ERAP1: variants seen among roughly 807,000 people sequenced by gnomAD.
The protein encoded by ERAP1 is adipocyte-derived leucine aminopeptidase.
A neutral mutation model predicts 103.7 loss-of-function variants in ERAP1; 86 were observed. The ratio of observed to expected loss-of-function variants is 0.83; its 90% CI spans 0.70 to 0.99. The LOEUF (loss-of-function observed/expected upper bound fraction) is 0.99, where lower values mean the gene tolerates loss of function less well. Ranked by LOEUF, ERAP1 falls within the 50% of genes least tolerant of loss-of-function variation. The pLI, the probability that ERAP1 is intolerant of heterozygous loss-of-function variation, is 0.00. For synonymous variants in ERAP1, 398 were observed against 402.4 expected, an observed-to-expected ratio of 0.99 and a Z score of 0.13; for missense variants, 1,009 against 1,128.4, an observed-to-expected ratio of 0.89 and a Z score of 1.52.
the ERAP1 span, among the ~76,000 whole-genome samples, chr5:96,887,718 A>G: frequency 2.7e-3 from 417 of 152,380 alleles, 2 homozygotes; most frequent in African/African-American, 9.4e-3. Flanking sequence ...TTGTAGTTAA[A>G]TATTTGCAAA....
chr5:96,911,543 A>C, the ERAP1 span, among the ~76,000 whole-genome samples: 1 of 151,818 alleles, frequency 6.6e-6, no homozygotes, highest in Non-Finnish European at 1.5e-5. Context: ...CCAAATTAAG[A>C]CTCTCTAGGC....
the ERAP1 span, among the ~76,000 whole-genome samples, chr5:96,862,235 T>A: frequency 1.3e-5 from 2 of 152,192 alleles, no homozygotes; most frequent in Non-Finnish European, 2.9e-5. Context: ...CAAACAATCC[T>A]GCCTCAGCCT....
At chr5:96,778,630 T>G (rs1375715823) in intron 18 of ERAP1, among the ~76,000 whole-genome samples, 1 of 152,196 alleles carries the variant, frequency 6.6e-6, no homozygotes, top group African/African-American at 2.4e-5. Flanking sequence ...TGGAATTTAC[T>G]GCAAGAACAA....
chr5:96,773,689 T>C (rs1178664394), downstream of ERAP1: 1 of 152,276 alleles, frequency 6.6e-6, no homozygotes, highest in Non-Finnish European at 1.5e-5. Context: ...TGAATGGTTT[T>C]CTAATATCTT....
At chr5:96,871,275 G>C in the ERAP1 span, among the ~76,000 whole-genome samples, 1 of 152,136 alleles carries the variant, frequency 6.6e-6, no homozygotes, top group Non-Finnish European at 1.5e-5. Context: ...TTGCCTATTT[G>C]TTTCCTTCTC....
the ERAP1 span, among the ~76,000 whole-genome samples, chr5:96,874,769 T>C: frequency 6.6e-6 from 1 of 152,262 alleles, no homozygotes; most frequent in Non-Finnish European, 1.5e-5. Context: ...TAGGATCTAA[T>C]CATGGCAACA....
At chr5:96,773,830 T>C (rs138697397), downstream of ERAP1, 7 of 152,460 alleles carry the variant, frequency 4.6e-5, no homozygotes, top group East Asian at 1.3e-3. Context: ...TGGGAATTTA[T>C]TGTTTCCAAA....
the ERAP1 span, among the ~76,000 whole-genome samples, chr5:96,932,442 G>C: frequency 2.6e-5 from 4 of 152,192 alleles, no homozygotes; most frequent in Non-Finnish European, 5.9e-5. Flanking sequence ...TAATGGAATA[G>C]ACTTCTAATA....
At chr5:96,811,381 T>C (rs1779146955), upstream of ERAP1, among the ~76,000 whole-genome samples, 2 of 152,226 alleles carry the variant, frequency 1.3e-5, no homozygotes, top group African/African-American at 2.4e-5. Context: ...ATTGTACTTA[T>C]GCAGGTGGCT....
rs897584080 is a variant in ERAP1, at chr5:96,775,435, G to A, written c.*961C>T. The A allele has an allele frequency of 3.0e-6, 3 of 985,100 alleles. No homozygotes were observed. The highest frequency in any genetic ancestry group is 3.6e-6 in the Non-Finnish European group (3 of 829,720). 61.0% of individuals were successfully genotyped at this position (985,100 alleles called of 1,614,324 possible). ...GTAGGCCAAATAAGAAGCAGAGAGA[G>A]AAAAAAAATCACCTCCCTAAGAAAA... is the stretch of plus-strand genomic sequence containing the variant. On this transcript the variant is annotated 3_prime_UTR_variant, in exon 19 of 19. Transcript: ENST00000443439.
the ERAP1 span, among the ~76,000 whole-genome samples, chr5:96,825,159 A>G: frequency 6.6e-6 from 1 of 152,182 alleles, no homozygotes; most frequent in Non-Finnish European, 1.5e-5. Flanking sequence ...CTTTCTCTGC[A>G]CCCTACAAAT....
At chr5:96,880,151 C>T in the ERAP1 span, 2 of 1,614,088 alleles carry the variant, frequency 1.2e-6, no homozygotes, top group Non-Finnish European at 1.7e-6. Flanking sequence ...TCCAGAGAAA[C>T]TTACGCCTCA....
chr5:96,905,342 T>C, the ERAP1 span, among the ~76,000 whole-genome samples: 1 of 152,188 alleles, frequency 6.6e-6, no homozygotes, highest in Non-Finnish European at 1.5e-5. Context: ...CAAAATGCTA[T>C]TGTTGAGTGT....
the ERAP1 span, among the ~76,000 whole-genome samples, chr5:96,869,600 T>A: frequency 5.7e-3 from 870 of 152,302 alleles, 9 homozygotes; most frequent in African/African-American, 0.02. Flanking sequence ...TTTTGCTGTA[T>A]TCAAATATCA....
At chr5:96,876,452 G>T in the ERAP1 span, 1 of 152,348 alleles carries the variant, frequency 6.6e-6, no homozygotes, top group Non-Finnish European at 1.5e-5. Flanking sequence ...AGCATGCAAA[G>T]TTCTGAATCT....
At chr5:96,836,152 T>C in the ERAP1 span, among the ~76,000 whole-genome samples, 2 of 151,324 alleles carry the variant, frequency 1.3e-5, no homozygotes, top group African/African-American at 2.4e-5. Context: ...TCCTTTTACA[T>C]TTCAGGGATT....
the ERAP1 span, among the ~76,000 whole-genome samples, chr5:96,860,323 G>C: frequency 1.6e-4 from 24 of 152,016 alleles, no homozygotes; most frequent in Non-Finnish European, 2.2e-4. Flanking sequence ...CAAAGTGCTG[G>C]GATTACAAGT....
the ERAP1 span, among the ~76,000 whole-genome samples, chr5:96,875,561 G>A: frequency 6.6e-6 from 1 of 151,302 alleles, no homozygotes; most frequent in Admixed American, 6.6e-5. Context: ...AAAAGAAAAG[G>A]AAAAATCAAC....
chr5:96,817,451 A>G, the ERAP1 span, among the ~76,000 whole-genome samples: 1 of 152,246 alleles, frequency 6.6e-6, no homozygotes, highest in Non-Finnish European at 1.5e-5. Flanking sequence ...AAGAAAAATA[A>G]CACAATCAAA....
Sources: gnomAD v4.1 joint callset for allele counts (sites outside exome capture counted in the v4.1 genomes callset) on GRCh38, gnomAD v4.1.1 for gene constraint, MANE v1.5 for transcripts, NCBI Gene and HGNC (gene_info 2026-07-23, HGNC 2026-07-21) for gene names.